GPRC6A: variants seen among roughly 807,000 people sequenced by gnomAD.
The protein encoded by GPRC6A is G protein-coupled receptor class C group 6 member A.
Under a neutral mutation model 47.0 loss-of-function variants are expected in GPRC6A, and 54 were observed. That is an observed-to-expected ratio of 1.15 (90% confidence interval 0.92 to 1.44). The LOEUF (loss-of-function observed/expected upper bound fraction) is 1.44, where lower values mean the gene tolerates loss of function less well. Ranked by LOEUF, GPRC6A falls within the 40% of genes most tolerant of loss-of-function variation. GPRC6A has a pLI of 0.00. For missense variants in GPRC6A, 1,112 were observed against 1,105.5 expected (o/e 1.01, Z -0.08); for synonymous variants, 347 against 377.1 (o/e 0.92, Z 0.93).
At chr6:116,794,418 TAGAG>T (rs1772412110) in intron 5 of GPRC6A, among the ~76,000 whole-genome samples, 1 of 152,124 alleles carries the variant, frequency 6.6e-6, no homozygotes, top group Non-Finnish European at 1.5e-5. Context: ...GTTAGAGAGA[TAGAG>T]AGGAACAGCA....
intron 3 of GPRC6A, among the ~76,000 whole-genome samples, chr6:116,801,602 G>A (rs1256660480): frequency 2.6e-5 from 4 of 152,042 alleles, no homozygotes; most frequent in Admixed American, 2.6e-4. Context: ...TATTCTATTT[G>A]AAGACAATTA....
At chr6:116,816,441 G>C (rs891634027) in intron 1 of GPRC6A, among the ~76,000 whole-genome samples, 1 of 152,216 alleles carries the variant, frequency 6.6e-6, no homozygotes, top group Non-Finnish European at 1.5e-5. Flanking sequence ...ACACCCAGGG[G>C]ATGCTGGTAC....
intron 1 of GPRC6A, among the ~76,000 whole-genome samples, chr6:116,825,189 C>T (rs576613905): frequency 8.5e-5 from 13 of 152,112 alleles, no homozygotes; most frequent in Admixed American, 2.6e-4. Flanking sequence ...ACAAGGATGC[C>T]CACTTTCACC....
intron 5 of GPRC6A, among the ~76,000 whole-genome samples, chr6:116,793,926 G>A (rs1772397378): frequency 6.6e-6 from 1 of 152,178 alleles, no homozygotes; most frequent in Non-Finnish European, 1.5e-5. Flanking sequence ...TGTAATCGAT[G>A]GCAATTGATG....
rs1490905296 is a variant in GPRC6A, at chr6:116,829,045, T to C, written c.-32A>G. The C allele has an allele frequency of 6.4e-7, 1 of 1,574,344 alleles. No individual in the cohort carries two copies. The highest frequency in any genetic ancestry group is 8.6e-7 in the Non-Finnish European group (1 of 1,160,902). On this transcript the variant is annotated 5_prime_UTR_variant, in exon 1 of 6. Transcript: ENST00000310357. ...ATCTCATTTGCTCAGTTCATGTGAG[T>C]TCTTAGGAATCATTAAGTGCACGGA...
intron 1 of GPRC6A, among the ~76,000 whole-genome samples, chr6:116,816,965 C>T (rs943085804): frequency 0.016 from 2,487 of 152,288 alleles, 71 homozygotes; most frequent in African/African-American, 0.056. Flanking sequence ...GGGGGAGGGG[C>T]GCCCGCCATT....
In GPRC6A at chr6:116,795,816, G is replaced by C; in HGVS notation, c.1568C>G (p.Ser523Cys). Residue 523 changes from serine (S) to cysteine (C), a missense_variant, in exon 5 of 6, where the codon TCC becomes TGC. Ser to Cys is a moderately radical substitution (Grantham distance 112). Transcript: ENST00000310357. The stretch of plus-strand genomic sequence containing the variant: ...CATTTGCCCAGGACTGCATTCCTTG[G>C]AGCATTTAGATTGAATTTGCTATAT... Reference protein sequence around the residue: ...RNLKQIQSKCSKECSPGQMKK... With the variant: ...RNLKQIQSKCCKECSPGQMKK... The C allele has an allele frequency of 6.2e-7, 1 of 1,600,316 alleles. No homozygotes were observed. Among genetic ancestry groups the C allele is most frequent in the Non-Finnish European group, 8.5e-7 (1 of 1,171,380 alleles).
chr6:116,821,396 C>T (rs967267527), intron 1 of GPRC6A, among the ~76,000 whole-genome samples: 19 of 151,954 alleles, frequency 1.3e-4, no homozygotes, highest in Admixed American at 5.9e-4. Flanking sequence ...GAGCCCGCAT[C>T]GCCAAGTCAA....
chr6:116,792,943 T>G lies in GPRC6A; in HGVS notation c.1980A>C (p.Lys660Asn), dbSNP rs1354122685. 6.2e-7 allele frequency: 1 copy of G among 1,614,120 alleles called. No homozygotes were observed. Residue 660 changes from lysine to asparagine, a missense_variant, in exon 6 of 6, where the codon AAA (lysine) becomes AAC (asparagine). Transcript: ENST00000310357. Reference sequence around the variant, plus strand: ...TCACTCCAAACATTGTCTGCCTGGTTTTACATGTGAAGTCTTGTGGTTCTC... The same window carrying G: ...TCACTCCAAACATTGTCTGCCTGGTGTTACATGTGAAGTCTTGTGGTTCTC... ...FIGEPQDFTC[K>N]TRQTMFGVSF...
Position 116,800,589 on chromosome 6 carries a change from G to C in GPRC6A, c.1543C>G (p.Leu515Val). The part of the protein sequence containing the change: ...DQETKNEFRN[L>V]KQIQSKCSKE... The stretch of plus-strand genomic sequence containing the variant: ...ACGGCCTACAACAAGGTTACCTTAA[G>C]ATTCCTGAACTCATTTTTTGTTTCC... Residue 515 changes from leucine (L) to valine (V), a missense_variant, in exon 4 of 6, where the codon CTT becomes GTT. Physicochemically the swap from Leu to Val is conservative, Grantham distance 32 (BLOSUM62 1). Coordinates refer to ENST00000310357, the MANE Select transcript of GPRC6A (RefSeq NM_148963.4). The C allele has an allele frequency of 1.2e-6, 2 of 1,610,280 alleles. No individual in the cohort carries two copies. Among genetic ancestry groups the C allele is most frequent in the Non-Finnish European group, 1.7e-6 (2 of 1,176,792 alleles).
At chr6:116,822,614 A>T (rs1773529776) in intron 1 of GPRC6A, among the ~76,000 whole-genome samples, 1 of 142,956 alleles carries the variant, frequency 7.0e-6, no homozygotes, top group Non-Finnish European at 1.5e-5. Context: ...CGCAAGAACA[A>T]AAAACCAAAC....
At position 116,793,009 on chromosome 6, in the gene GPRC6A, G is replaced by C; in HGVS notation, c.1914C>G (p.Leu638=). 1 of 1,614,092 alleles carries C rather than the reference G, an allele frequency of 6.2e-7. No individual in the cohort carries two copies. The highest frequency in any genetic ancestry group is 1.1e-5 in the South Asian group (1 of 91,074). ...GGLRVCYVIL[L]CHFLNFASTS... ...TGCTGGCAAAATTGAGGAAATGACA[G>C]AGAAGGATCACATAGCAGACTCTTA... Residue 638 remains leucine, a synonymous_variant, in exon 6 of 6, where the codon CTC becomes CTG. Transcript: ENST00000310357.
At chr6:116,803,357 A>G (rs761531970) in intron 3 of GPRC6A, among the ~76,000 whole-genome samples, 1 of 152,062 alleles carries the variant, frequency 6.6e-6, no homozygotes, top group African/African-American at 2.4e-5. Flanking sequence ...AAAAAATATC[A>G]TATCACTCTT....
chr6:116,800,766 T>C lies in GPRC6A; in HGVS notation c.1366A>G (p.Thr456Ala). ...LLGVLKNVTF[T>A]DGWNSFHFDA... The stretch of plus-strand genomic sequence containing the variant: ...AAATGAAATGAATTCCATCCATCAG[T>C]GAATGTCACATTTTTTAGCACACCA... The change falls in exon 4 of 6, where the codon ACT (threonine) becomes GCT (alanine). Residue 456 changes from threonine (T) to alanine (A), a missense_variant. By Grantham distance (58) the Thr-to-Ala change is moderately conservative (BLOSUM62 0). Transcript: ENST00000310357. The C allele has an allele frequency of 6.2e-7, 1 of 1,609,378 alleles. No homozygotes were observed. The highest frequency in any genetic ancestry group is 8.5e-7 in the Non-Finnish European group (1 of 1,176,814).
At chr6:116,820,202 T>G (rs1482157464) in intron 1 of GPRC6A, among the ~76,000 whole-genome samples, 8 of 151,980 alleles carry the variant, frequency 5.3e-5, no homozygotes. Flanking sequence ...GATCTGAAAT[T>G]GTGGCAATAA....
At chr6:116,803,359 A>G (rs11153632) in intron 3 of GPRC6A, among the ~76,000 whole-genome samples, 3,948 of 152,214 alleles carry the variant, frequency 0.026, 82 homozygotes, top group Non-Finnish European at 0.041. Context: ...AAAATATCAT[A>G]TCACTCTTCT....
At chr6:116,796,621 C>T (rs1252696087) in intron 4 of GPRC6A, among the ~76,000 whole-genome samples, 1 of 152,142 alleles carries the variant, frequency 6.6e-6, no homozygotes, top group African/African-American at 2.4e-5. Context: ...TTCTCTTATC[C>T]ATAATTTCCT....
chr6:116,809,658 C>A (rs750751555), intron 1 of GPRC6A, 41 bp from the exon 2 acceptor site: 1 of 1,404,394 alleles, frequency 7.1e-7, no homozygotes, highest in South Asian at 1.2e-5. Context: ...GAACATAACT[C>A]TTCTATGGAC....
chr6:116,802,014 C>T (rs1772691326), intron 3 of GPRC6A, among the ~76,000 whole-genome samples: 1 of 152,190 alleles, frequency 6.6e-6, no homozygotes, highest in African/African-American at 2.4e-5. Context: ...GCAATATACA[C>T]ATGTAAACCC....
Sources: gnomAD v4.1 joint callset for allele counts (sites outside exome capture counted in the v4.1 genomes callset) on GRCh38, gnomAD v4.1.1 for gene constraint, MANE v1.5 for transcripts, NCBI Gene and HGNC (gene_info 2026-07-23, HGNC 2026-07-21) for gene names.